The following FAM120B variants were observed in gnomAD, a reference collection of about 807,000 sequenced individuals.
FAM120B encodes the protein constitutive coactivator of peroxisome proliferator-activated receptor gamma.
In FAM120B, 83 loss-of-function variants were observed where a neutral mutation model predicts 96.3. The observed-to-expected ratio is 0.86, with a 90% CI of 0.72 to 1.03. The LOEUF is 1.03. Ranked by LOEUF, FAM120B falls within the 50% of genes least tolerant of loss-of-function variation. FAM120B has a pLI of 0.00. For missense variants in FAM120B, 1,027 were observed against 1,121.2 expected (o/e 0.92, Z 1.20); for synonymous variants, 407 against 402.7 (o/e 1.01, Z -0.13).
chr6:170,363,172 A>G lies in FAM120B; in HGVS notation c.2283+4854A>G, dbSNP rs1788570150. Among the ~76,000 whole-genome samples the G allele has an allele frequency of 6.6e-6, 1 of 152,102 alleles. No individual in the cohort carries two copies. Among genetic ancestry groups the G allele is most frequent in the Admixed American group, 6.5e-5 (1 of 15,276 alleles). On this transcript the variant is annotated intron_variant, in intron 6 of 10. Coordinates refer to ENST00000476287, the MANE Select transcript of FAM120B (RefSeq NM_032448.3). This position sits in a 1 kb window ranked among gnomAD's most constrained non-coding sequence, Gnocchi z 4.5. ...AGGTGGAGGCTCTGACTGTTAGGGA[A>G]TTCTGGCTCCGTCTCTTACACACTG...
intron 7 of FAM120B, 82 bp downstream of exon 7, chr6:170,388,575 A>G (rs1373134963): frequency 3.4e-6 from 4 of 1,171,874 alleles, no homozygotes; most frequent in Non-Finnish European, 5.1e-6. Flanking sequence ...CGGCTGTTGC[A>G]TTTTTCAAAT....
intron 1 of FAM120B, among the ~76,000 whole-genome samples, chr6:170,300,613 T>C (rs1040566446): frequency 5.3e-5 from 8 of 152,150 alleles, no homozygotes; most frequent in Admixed American, 1.3e-4. Flanking sequence ...ACAAGTCTCT[T>C]CCACCTATAA....
Position 170,318,743 on chromosome 6 carries a change from G to A in FAM120B, c.1353G>A (p.Met451Ile). The A allele has an allele frequency of 6.3e-7, 1 of 1,593,548 alleles. No individual in the cohort carries two copies. The highest frequency in any genetic ancestry group is 1.1e-5 in the South Asian group (1 of 89,032). The change falls in exon 2 of 11, where the codon ATG (methionine) becomes ATA (isoleucine). Residue 451 changes from methionine to isoleucine, a missense_variant. By Grantham distance (10) the Met-to-Ile change is conservative. Transcript: ENST00000476287. ...CTGAACCCAGGCAAGAAGTTCCCAT[G>A]TATACAGGCTCTGAACCCAGGCAAG... ...TDSEPRQEVP[M>I]YTGSEPRQEV...
chr6:170,403,165 GT>G (rs1478751436), intron 9 of FAM120B, among the ~76,000 whole-genome samples: 1 of 152,194 alleles, frequency 6.6e-6, no homozygotes, highest in African/African-American at 2.4e-5. Flanking sequence ...AGTTACAAAA[GT>G]GATATTAGTG....
intron 4 of FAM120B, among the ~76,000 whole-genome samples, chr6:170,333,992 C>T (rs1034549852): frequency 3.9e-5 from 6 of 152,192 alleles, no homozygotes; most frequent in African/African-American, 1.4e-4. Context: ...CACTCCCTTA[C>T]TAACTTTCCT....
intron 8 of FAM120B, among the ~76,000 whole-genome samples, chr6:170,392,308 A>G (rs1790521058): frequency 6.6e-6 from 1 of 152,216 alleles, no homozygotes; most frequent in African/African-American, 2.4e-5. Context: ...CCCGAGTTCA[A>G]GCGATTCTCT....
chr6:170,383,262 A>C (rs1463190191), intron 6 of FAM120B, among the ~76,000 whole-genome samples: 1 of 152,226 alleles, frequency 6.6e-6, no homozygotes, highest in East Asian at 1.9e-4. Flanking sequence ...CTTAGACTTC[A>C]TACCAAAAGC....
chr6:170,380,040 C>T (rs1210050403), intron 6 of FAM120B, among the ~76,000 whole-genome samples: 5 of 152,138 alleles, frequency 3.3e-5, no homozygotes, highest in East Asian at 1.9e-4. Flanking sequence ...CCCGTTCTGC[C>T]GTCTGTTTAT....
intron 5 of FAM120B, among the ~76,000 whole-genome samples, chr6:170,353,105 C>T (rs545666808): frequency 2.0e-4 from 31 of 152,224 alleles, no homozygotes; most frequent in Admixed American, 2.0e-3. Flanking sequence ...CCTCTGTGCA[C>T]ATAAACTAGA....
At chr6:170,328,539 T>A (rs1045121180) in intron 3 of FAM120B, among the ~76,000 whole-genome samples, 1 of 152,232 alleles carries the variant, frequency 6.6e-6, no homozygotes, top group Admixed American at 6.5e-5. Context: ...TCCCCATGTG[T>A]TACGTGGCTT....
chr6:170,361,220 A>ATACACG (rs1554286427), intron 6 of FAM120B, among the ~76,000 whole-genome samples: 5 of 109,996 alleles, frequency 4.5e-5, no homozygotes, highest in African/African-American at 2.0e-4. Flanking sequence ...ATATATATAT[A>ATACACG]TATATATATA....
At chr6:170,316,773 T>TCACCCCCAAAAGA (rs1784927540) in intron 1 of FAM120B, among the ~76,000 whole-genome samples, 1 of 152,170 alleles carries the variant, frequency 6.6e-6, no homozygotes, top group Non-Finnish European at 1.5e-5. Context: ...CACTAAGTGG[T>TCACCCCCAAAAGA]TAATGTATCT....
upstream of FAM120B, among the ~76,000 whole-genome samples, chr6:170,306,280 G>A (rs1784278007): frequency 6.6e-6 from 1 of 152,074 alleles, no homozygotes; most frequent in South Asian, 2.1e-4. Flanking sequence ...AGCGCGCGGC[G>A]GGTCCCCTGT....
chr6:170,384,947 G>A (rs1790108638), intron 6 of FAM120B, among the ~76,000 whole-genome samples: 1 of 152,206 alleles, frequency 6.6e-6, no homozygotes, highest in Non-Finnish European at 1.5e-5. Context: ...CAGAAGGTTA[G>A]TATGGATTCG....
intron 6 of FAM120B, among the ~76,000 whole-genome samples, chr6:170,365,829 C>T (rs549695054): frequency 8.5e-5 from 13 of 152,180 alleles, no homozygotes; most frequent in Admixed American, 3.9e-4. Flanking sequence ...GAACACACAC[C>T]CTTTTTGAGA....
intron 6 of FAM120B, among the ~76,000 whole-genome samples, chr6:170,382,768 G>C (rs765896088): frequency 6.6e-6 from 1 of 152,166 alleles, no homozygotes; most frequent in Non-Finnish European, 1.5e-5. Flanking sequence ...ATCCCAGCAA[G>C]GTATTTTTTT....
chr6:170,361,235 T>TATATATAC (rs1218513547), intron 6 of FAM120B, among the ~76,000 whole-genome samples: 19 of 90,044 alleles, frequency 2.1e-4, no homozygotes, highest in Non-Finnish European at 4.2e-4. Flanking sequence ...TATATATATA[T>TATATATAC]ACACGTATAT....
intron 4 of FAM120B, among the ~76,000 whole-genome samples, chr6:170,339,865 G>T (rs1786699129): frequency 6.6e-6 from 1 of 151,698 alleles, no homozygotes. Context: ...TCTGCTGTTA[G>T]TCTGATGGGC....
chr6:170,348,307 T>C lies in FAM120B; in HGVS notation c.2174T>C (p.Ile725Thr). The C allele has an allele frequency of 6.2e-7, 1 of 1,613,080 alleles. No homozygotes were observed. The highest frequency in any genetic ancestry group is 8.5e-7 in the Non-Finnish European group (1 of 1,179,846). ...TTTCAAGCTTTGTGCTGCCTCTTGATCTACCTCTTTGTCCAGGTAATGTCC... is the reference window on the plus strand; with the variant it reads ...TTTCAAGCTTTGTGCTGCCTCTTGACCTACCTCTTTGTCCAGGTAATGTCC... ...SPFQALCCLL[I>T]YLFVQVDTLC... Residue 725 changes from isoleucine (I) to threonine (T), a missense_variant, in exon 5 of 11, where the codon ATC (isoleucine) becomes ACC (threonine). Around this residue, in one of 3 missense-constraint regions of FAM120B, gnomAD observed 880 missense variants for 980.9 expected, o/e 0.90. Coordinates refer to ENST00000476287, the MANE Select transcript of FAM120B (RefSeq NM_032448.3).
Sources: allele counts gnomAD v4.1 joint callset (sites outside exome capture counted in the v4.1 genomes callset), GRCh38; gene constraint gnomAD v4.1.1; regional missense constraint gnomAD v4.1.1; non-coding constraint Gnocchi (gnomAD v3.1); transcripts MANE v1.5; gene names NCBI Gene and HGNC (gene_info 2026-07-23, HGNC 2026-07-21).